Variants in NRG1 observed in about 807,000 individuals in gnomAD.
NRG1 encodes the protein pro-neuregulin-1, membrane-bound isoform.
A neutral mutation model predicts 63.8 loss-of-function variants in NRG1; 18 were observed. The ratio of observed to expected loss-of-function variants is 0.28; its 90% CI spans 0.19 to 0.42. NRG1 has a LOEUF of 0.42. NRG1 is among the 10% of genes least tolerant of loss of function. The pLI is 1.00. For missense variants in NRG1, 762 were observed against 814.7 expected (o/e 0.94, Z 0.79); for synonymous variants, 302 against 301.3 (o/e 1.00, Z -0.02).
chr8:32,111,589 T>C (rs2131453399), intron 1 of NRG1, among the ~76,000 whole-genome samples: 1 of 152,324 alleles, frequency 6.6e-6, no homozygotes, highest in Admixed American at 6.5e-5. Context: ...ACATATGAAT[T>C]GCAATCACAT....
chr8:31,642,263 C>A (rs1373064737), intron 1 of NRG1, among the ~76,000 whole-genome samples: 4 of 152,180 alleles, frequency 2.6e-5, no homozygotes, highest in Non-Finnish European at 5.9e-5. Context: ...TTAAGCAACA[C>A]CACTGTCCAG....
At chr8:31,848,617 C>T (rs190982256) in intron 1 of NRG1, among the ~76,000 whole-genome samples, 250 of 152,320 alleles carry the variant, frequency 1.6e-3, no homozygotes, top group African/African-American at 5.8e-3. Context: ...CTCTCCATTA[C>T]TTGCATCACC....
chr8:32,302,412 C>T (rs1042827588), intron 1 of NRG1, among the ~76,000 whole-genome samples: 1 of 152,142 alleles, frequency 6.6e-6, no homozygotes, highest in African/African-American at 2.4e-5. Flanking sequence ...AAATAATAAA[C>T]GAGGCTGTGT....
intron 1 of NRG1, among the ~76,000 whole-genome samples, chr8:32,166,981 C>T (rs1434719111): frequency 6.6e-6 from 1 of 152,160 alleles, no homozygotes; most frequent in Non-Finnish European, 1.5e-5. Flanking sequence ...AAAGTTCCCT[C>T]TTTATCTTCT....
At chr8:32,369,731 G>A (rs1016169507) in intron 1 of NRG1, among the ~76,000 whole-genome samples, 2 of 152,156 alleles carry the variant, frequency 1.3e-5, no homozygotes, top group Admixed American at 6.5e-5. Context: ...TAATAGTAGT[G>A]GCATTGTTGA....
chr8:32,428,342 C>T (rs199865409), intron 1 of NRG1, among the ~76,000 whole-genome samples: 13 of 147,028 alleles, frequency 8.8e-5, no homozygotes, highest in Admixed American at 5.4e-4. Flanking sequence ...TGAGTGAATT[C>T]TTTTTTTTTT....
intron 1 of NRG1, among the ~76,000 whole-genome samples, chr8:31,687,167 G>A (rs1192040502): frequency 6.6e-6 from 1 of 152,148 alleles, no homozygotes; most frequent in African/African-American, 2.4e-5. Flanking sequence ...TAAATGCATC[G>A]ACTATCTGGG....
At chr8:32,758,780 A>G (rs1830139195) in intron 9 of NRG1, among the ~76,000 whole-genome samples, 1 of 152,120 alleles carries the variant, frequency 6.6e-6, no homozygotes, top group Admixed American at 6.6e-5. Flanking sequence ...CATTTCAGTG[A>G]CATTAGTAGG....
At chr8:32,058,268 T>A (rs1823288062) in intron 1 of NRG1, among the ~76,000 whole-genome samples, 1 of 152,060 alleles carries the variant, frequency 6.6e-6, no homozygotes, top group South Asian at 2.1e-4. Context: ...GGGACATACA[T>A]GGCTGTATAT....
chr8:32,159,303 G>A (rs1169505960), intron 1 of NRG1, among the ~76,000 whole-genome samples: 1 of 152,062 alleles, frequency 6.6e-6, no homozygotes, highest in Non-Finnish European at 1.5e-5. Context: ...GGGAGGCCGA[G>A]GCGGGTGGAT....
chr8:32,750,710 CAAAAAAAA>C (rs34624230), intron 7 of NRG1, among the ~76,000 whole-genome samples: 2 of 124,340 alleles, frequency 1.6e-5, no homozygotes, highest in South Asian at 2.7e-4. Context: ...ATTTCTTCCT[CAAAAAAAA>C]AAAAAAAAAA....
chr8:32,729,845 A>G (rs1823194389), intron 6 of NRG1, among the ~76,000 whole-genome samples: 1 of 152,166 alleles, frequency 6.6e-6, no homozygotes. Context: ...GCGTGTCTGT[A>G]GCGTGCCTGA....
At chr8:32,323,700 T>A (rs184548928) in intron 1 of NRG1, among the ~76,000 whole-genome samples, 1 of 152,388 alleles carries the variant, frequency 6.6e-6, no homozygotes, top group East Asian at 1.9e-4. Context: ...ATTTCCTCTT[T>A]TTCTCCTTTA....
At chr8:32,060,394 T>C (rs533927615) in intron 1 of NRG1, among the ~76,000 whole-genome samples, 1 of 152,014 alleles carries the variant, frequency 6.6e-6, no homozygotes, top group African/African-American at 2.4e-5. Context: ...AGGTGAAATT[T>C]GGCATCAATG....
At chr8:32,165,487 G>A (rs971619071) in intron 1 of NRG1, among the ~76,000 whole-genome samples, 29 of 152,112 alleles carry the variant, frequency 1.9e-4, no homozygotes, top group African/African-American at 6.3e-4. Flanking sequence ...GAAAACATAT[G>A]AGTATAATAA....
chr8:31,737,139 C>T (rs951400804), intron 1 of NRG1, among the ~76,000 whole-genome samples: 2 of 152,022 alleles, frequency 1.3e-5, no homozygotes, highest in African/African-American at 4.8e-5. Context: ...GATTTTATTC[C>T]AGGTTTTGGG....
intron 1 of NRG1, among the ~76,000 whole-genome samples, chr8:32,157,365 A>C (rs1219936116): frequency 6.7e-6 from 1 of 148,744 alleles, no homozygotes; most frequent in Admixed American, 6.7e-5. Context: ...TCTCAAAAAA[A>C]AAAAAAAAAA....
At chr8:32,181,546 G>A (rs1841429983) in intron 1 of NRG1, among the ~76,000 whole-genome samples, 2 of 152,136 alleles carry the variant, frequency 1.3e-5, no homozygotes, top group Non-Finnish European at 2.9e-5. Context: ...CAGGTTACCA[G>A]TAATACAAAG....
intron 1 of NRG1, among the ~76,000 whole-genome samples, chr8:32,265,551 A>G (rs912948320): frequency 1.3e-5 from 2 of 152,114 alleles, no homozygotes; most frequent in Admixed American, 6.5e-5. Flanking sequence ...AATAAAAACT[A>G]ATGTAGGCTG....
Sources: gnomAD v4.1 joint callset for allele counts (sites outside exome capture counted in the v4.1 genomes callset) on GRCh38, gnomAD v4.1.1 for gene constraint, MANE v1.5 for transcripts, NCBI Gene and HGNC (gene_info 2026-07-23, HGNC 2026-07-21) for gene names.